RIN3: variants seen among roughly 807,000 people sequenced by gnomAD.
RIN3 encodes RAB5 interacting protein 3.
In RIN3, 54 loss-of-function variants were observed where a neutral mutation model predicts 76.3. The observed-to-expected ratio is 0.71, with a 90% CI of 0.57 to 0.89. The LOEUF (loss-of-function observed/expected upper bound fraction) is 0.89. RIN3 is among the 40% of genes least tolerant of loss of function. RIN3 has a pLI of 0.00. For missense variants in RIN3, 1,256 were observed against 1,322.1 expected, an observed-to-expected ratio of 0.95 and a Z score of 0.78; for synonymous variants, 576 against 564.0, an observed-to-expected ratio of 1.02 and a Z score of -0.30.
chr14:92,574,716 C>G (rs895746005), intron 2 of RIN3, among the ~76,000 whole-genome samples: 3 of 152,166 alleles, frequency 2.0e-5, no homozygotes, highest in South Asian at 4.1e-4. Context: ...TTCTAATTCT[C>G]TCTTCATCCT....
In RIN3 at chr14:92,568,292, C is replaced by T. The variant is rs1897969012; in HGVS notation, c.250-9068C>T. 6.6e-6 allele frequency among the ~76,000 whole-genome samples: 1 copy of T among 152,148 alleles called. No homozygotes were observed. Among genetic ancestry groups the T allele is most frequent in the South Asian group, 2.1e-4 (1 of 4,818 alleles). On this transcript the variant is annotated intron_variant, in intron 2 of 9. Transcript: ENST00000216487. This position sits in a 1 kb window ranked among gnomAD's most constrained non-coding sequence, Gnocchi z 4.2. ...GGGCAACATCCCCTTGGAGTATGAC[C>T]TGGGGACACTCGATCAGCGAGTGGG...
At chr14:92,673,798 G>A (rs528945467) in intron 7 of RIN3, among the ~76,000 whole-genome samples, 29 of 152,288 alleles carry the variant, frequency 1.9e-4, no homozygotes, top group African/African-American at 5.3e-4. Context: ...GAGCCACCGC[G>A]CCCGGCCGCC....
chr14:92,673,615 C>T (rs186432556), intron 7 of RIN3, among the ~76,000 whole-genome samples: 249 of 152,016 alleles, frequency 1.6e-3, no homozygotes, highest in African/African-American at 5.8e-3. Context: ...AAGTGATTCT[C>T]GTGCCTAAGC....
intron 1 of RIN3, among the ~76,000 whole-genome samples, chr14:92,537,810 C>T (rs542405504): frequency 1.1e-3 from 162 of 146,724 alleles, no homozygotes; most frequent in African/African-American, 3.8e-3. Flanking sequence ...CGCCACCACG[C>T]CTGGCTAATT....
intron 3 of RIN3, among the ~76,000 whole-genome samples, chr14:92,579,791 C>A (rs989249849): frequency 6.6e-6 from 1 of 152,242 alleles, no homozygotes; most frequent in Non-Finnish European, 1.5e-5. Flanking sequence ...TGGGGACACA[C>A]TGGTATGGGA....
intron 5 of RIN3, among the ~76,000 whole-genome samples, chr14:92,646,835 T>G (rs920218900): frequency 6.6e-6 from 1 of 152,218 alleles, no homozygotes; most frequent in Non-Finnish European, 1.5e-5. Flanking sequence ...GTGTGTTTCC[T>G]TCCAGTTTCT....
intron 1 of RIN3, among the ~76,000 whole-genome samples, chr14:92,535,883 A>G (rs1896989315): frequency 6.7e-6 from 1 of 149,026 alleles, no homozygotes; most frequent in Non-Finnish European, 1.5e-5. Flanking sequence ...GGGTTTCACC[A>G]TGTTGGTCAG....
intron 4 of RIN3, 83 bp downstream of exon 4, chr14:92,615,562 A>T: frequency 6.8e-6 from 8 of 1,180,178 alleles, no homozygotes; most frequent in Non-Finnish European, 8.9e-6. Context: ...GGGACTTCAC[A>T]GGGAAGCCCC....
chr14:92,664,002 T>G (rs1887980213), intron 7 of RIN3, among the ~76,000 whole-genome samples: 1 of 152,126 alleles, frequency 6.6e-6, no homozygotes, highest in Non-Finnish European at 1.5e-5. Context: ...AGTTTATGAA[T>G]GAGCGTCTAG....
intron 4 of RIN3, among the ~76,000 whole-genome samples, chr14:92,636,209 G>C (rs1185007774): frequency 2.0e-5 from 3 of 151,910 alleles, no homozygotes; most frequent in African/African-American, 7.2e-5. Flanking sequence ...ATTGATGAAA[G>C]AGGAGAGAGA....
At chr14:92,541,408 C>T (rs1887559) in intron 1 of RIN3, among the ~76,000 whole-genome samples, 107,402 of 152,076 alleles carry the variant, frequency 0.71, 38,422 homozygotes, top group Middle Eastern at 0.8. Flanking sequence ...GTATTGTTTC[C>T]ATTTGGGACT....
At chr14:92,527,342 G>C (rs1453884963) in intron 1 of RIN3, among the ~76,000 whole-genome samples, 1 of 152,098 alleles carries the variant, frequency 6.6e-6, no homozygotes, top group African/African-American at 2.4e-5. Flanking sequence ...GTGAGCCACT[G>C]CACCTGGCCA....
chr14:92,539,490 G>A (rs998190984), intron 1 of RIN3, among the ~76,000 whole-genome samples: 2 of 152,176 alleles, frequency 1.3e-5, no homozygotes, highest in African/African-American at 2.4e-5. Context: ...TCTAACCCAG[G>A]CTGCCTGGTT....
Position 92,653,074 on chromosome 14 carries a change from C to G in RIN3, c.2025C>G (p.Leu675=). 6.3e-7 allele frequency: 1 copy of G among 1,598,362 alleles called. No individual in the cohort carries two copies. The highest frequency in any genetic ancestry group is 8.5e-7 in the Non-Finnish European group (1 of 1,177,266). The change falls in exon 6 of 10, where the codon CTC becomes CTG. Residue 675 remains leucine (L), a splice_region_variant and synonymous_variant. Transcript: ENST00000216487. Reference sequence around the variant, plus strand: ...CCGCCCTGCACTCCGAGGAGGAGCTCGGTCAGTGCCCTGGGAGGAGGTGGC... The same window carrying G: ...CCGCCCTGCACTCCGAGGAGGAGCTGGGTCAGTGCCCTGGGAGGAGGTGGC... ...VDPALHSEEE[L]EAIVESALYK... is the part of the protein sequence containing the mutation.
In RIN3 at chr14:92,648,496, C is replaced by T. The variant is rs958822123; in HGVS notation, c.533-3086C>T. 6.6e-6 allele frequency among the ~76,000 whole-genome samples: 1 copy of T among 152,228 alleles called. No homozygotes were observed. Among genetic ancestry groups the T allele is most frequent in the African/African-American group, 2.4e-5 (1 of 41,476 alleles). Reference sequence around the variant, plus strand: ...GCCTCCTCTCACTGTCTTGTATTTACACATCCTCCCATGGTTCAGGTTGTC... The same window carrying T: ...GCCTCCTCTCACTGTCTTGTATTTATACATCCTCCCATGGTTCAGGTTGTC... On this transcript the variant is annotated intron_variant, in intron 5 of 9. Transcript: ENST00000216487. This position sits in a 1 kb window ranked among gnomAD's most constrained non-coding sequence, Gnocchi z 4.1.
chr14:92,621,819 G>A (rs1036763486), intron 4 of RIN3, among the ~76,000 whole-genome samples: 1 of 152,164 alleles, frequency 6.6e-6, no homozygotes, highest in East Asian at 1.9e-4. Context: ...AACACATCTA[G>A]ACGTGTATAC....
intron 5 of RIN3, among the ~76,000 whole-genome samples, chr14:92,644,158 G>A (rs1170462521): frequency 6.6e-6 from 1 of 152,230 alleles, no homozygotes; most frequent in Non-Finnish European, 1.5e-5. Flanking sequence ...TCTGAGGACA[G>A]CCTTTCTACT....
chr14:92,620,729 A>T (rs1478152153), intron 4 of RIN3, among the ~76,000 whole-genome samples: 1 of 152,152 alleles, frequency 6.6e-6, no homozygotes, highest in Non-Finnish European at 1.5e-5. Flanking sequence ...TTTCCTACTC[A>T]ATTTACCCTG....
At chr14:92,549,016 C>A (rs1214731976) in intron 1 of RIN3, among the ~76,000 whole-genome samples, 1 of 112,462 alleles carries the variant, frequency 8.9e-6, no homozygotes, top group East Asian at 2.8e-4. Flanking sequence ...TCCCTCCCTC[C>A]CACGCCGGCC....
Sources: allele counts gnomAD v4.1 joint callset (sites outside exome capture counted in the v4.1 genomes callset), GRCh38; gene constraint gnomAD v4.1.1; non-coding constraint Gnocchi (gnomAD v3.1); transcripts MANE v1.5; gene names NCBI Gene and HGNC (gene_info 2026-07-23, HGNC 2026-07-21).